The following DCC variants were observed in gnomAD, a reference collection of about 807,000 sequenced individuals.
DCC encodes netrin receptor DCC.
DCC carries 58 observed loss-of-function variants against 172.5 expected under a neutral mutation model. The observed-to-expected ratio is 0.34, with a 90% CI of 0.27 to 0.42. The LOEUF is 0.42. Ranked by LOEUF, DCC falls within the 10% of genes least tolerant of loss-of-function variation. The pLI is 1.00. For synonymous variants in DCC, 709 were observed against 644.5 expected, an observed-to-expected ratio of 1.10 and a Z score of -1.52; for missense variants, 1,740 against 1,791.0, an observed-to-expected ratio of 0.97 and a Z score of 0.51.
intron 5 of DCC, among the ~76,000 whole-genome samples, chr18:52,960,897 A>G (rs1250985305): frequency 6.6e-6 from 1 of 152,156 alleles, no homozygotes; most frequent in Non-Finnish European, 1.5e-5. Context: ...TTTTATATTT[A>G]TATTTTTGTA....
chr18:52,546,415 A>G (rs2032618582), intron 1 of DCC, among the ~76,000 whole-genome samples: 1 of 152,098 alleles, frequency 6.6e-6, no homozygotes, highest in Non-Finnish European at 1.5e-5. Flanking sequence ...AGGGAGCAGC[A>G]CAGCCTGGGT....
chr18:53,237,971 A>C (rs2056230397), intron 12 of DCC, among the ~76,000 whole-genome samples: 6 of 152,158 alleles, frequency 3.9e-5, no homozygotes, highest in Admixed American at 3.9e-4. Flanking sequence ...TTACCAAGAA[A>C]ACCTAAGAAC....
chr18:52,809,082 AT>A (rs1294122218), intron 2 of DCC, among the ~76,000 whole-genome samples: 2 of 152,186 alleles, frequency 1.3e-5, no homozygotes, highest in Admixed American at 1.3e-4. Context: ...TTGTTGACCA[AT>A]TCCCTCATAT....
At chr18:52,381,416 C>A (rs1482112617) in intron 1 of DCC, among the ~76,000 whole-genome samples, 2 of 152,112 alleles carry the variant, frequency 1.3e-5, no homozygotes, top group Non-Finnish European at 2.9e-5. Flanking sequence ...GAGTATTTGG[C>A]CAGCAGGCTG....
intron 12 of DCC, among the ~76,000 whole-genome samples, chr18:53,266,474 C>T (rs534551075): frequency 3.3e-5 from 5 of 152,260 alleles, no homozygotes; most frequent in Admixed American, 2.6e-4. Context: ...TTTACAAACA[C>T]TCAAAGTTGA....
At chr18:52,905,571 T>C (rs1467243601) in intron 2 of DCC, among the ~76,000 whole-genome samples, 6 of 152,194 alleles carry the variant, frequency 3.9e-5, no homozygotes, top group Non-Finnish European at 8.8e-5. Flanking sequence ...CTCTAGGTCA[T>C]GCCGTATGAC....
chr18:52,858,334 A>G (rs916255167), intron 2 of DCC, among the ~76,000 whole-genome samples: 1 of 152,242 alleles, frequency 6.6e-6, no homozygotes, highest in African/African-American at 2.4e-5. Flanking sequence ...CAGCAGCAGC[A>G]GTAACAGCAG....
intron 1 of DCC, among the ~76,000 whole-genome samples, chr18:52,443,477 A>C (rs1988030961): frequency 1.3e-5 from 2 of 152,230 alleles, no homozygotes; most frequent in Admixed American, 1.3e-4. Flanking sequence ...AACAGTAAAA[A>C]ATATTTGCAT....
At chr18:52,728,974 T>G (rs992183906) in intron 1 of DCC, among the ~76,000 whole-genome samples, 1 of 152,284 alleles carries the variant, frequency 6.6e-6, no homozygotes, top group East Asian at 1.9e-4. Context: ...TCAAAAAGCA[T>G]GTACCTCTAA....
In DCC at chr18:53,530,586, G is replaced by A. The variant is rs1568190993; in HGVS notation, c.4277G>A (p.Ser1426Asn). Reference protein sequence around the residue: ...SANVYEQDDLSEQMASLEGLM... With the variant: ...SANVYEQDDLNEQMASLEGLM... ...TAGGTGTATGAACAGGATGATCTGA[G>A]TGAACAAATGGCAAGTTTGGAAGGA... is the stretch of plus-strand genomic sequence containing the variant. The change falls in exon 29 of 29, where the codon AGT becomes AAT. Residue 1426 changes from serine (S) to asparagine (N), a missense_variant. Coordinates refer to ENST00000442544, the MANE Select transcript of DCC (RefSeq NM_005215.4). 6.3e-7 allele frequency: 1 copy of A among 1,588,700 alleles called. No individual in the cohort carries two copies.
chr18:52,560,837 G>A (rs2033019302), intron 1 of DCC, among the ~76,000 whole-genome samples: 1 of 152,172 alleles, frequency 6.6e-6, no homozygotes, highest in African/African-American at 2.4e-5. Flanking sequence ...GTGATATAAA[G>A]TATTTGCTTA....
intron 7 of DCC, among the ~76,000 whole-genome samples, chr18:53,090,740 T>TAAAAAAAAA (rs2042995768): frequency 1.6e-5 from 1 of 63,298 alleles, no homozygotes; most frequent in Non-Finnish European, 4.1e-5. Context: ...AAAAAGAATG[T>TAAAAAAAAA]ATCGTGTTTC....
chr18:52,375,575 G>A (rs987634903), intron 1 of DCC, among the ~76,000 whole-genome samples: 3 of 152,148 alleles, frequency 2.0e-5, no homozygotes, highest in Non-Finnish European at 2.9e-5. Flanking sequence ...ATGTCTCCGT[G>A]GACCAGCTAT....
Position 53,215,559 on chromosome 18 carries a change from C to T in DCC, c.1873C>T (p.Pro625Ser). 1 of 1,613,792 alleles carries T rather than the reference C, an allele frequency of 6.2e-7. No individual in the cohort carries two copies. The highest frequency in any genetic ancestry group is 1.1e-5 in the South Asian group (1 of 91,072). ...VVTLSDVPSAPPQNVSLEVVN... is the reference protein window; with the variant it reads ...VVTLSDVPSASPQNVSLEVVN... ...TTGATTCCTTTTAGTGCCAAGTGCC[C>T]CGCCTCAGAACGTCTCCCTGGAAGT... The change falls in exon 12 of 29, where the codon CCG (proline) becomes TCG (serine). Residue 625 changes from proline to serine, a missense_variant. By Grantham distance (74) the Pro-to-Ser change is moderately conservative (BLOSUM62 -1). Transcript: ENST00000442544.
At chr18:52,889,102 C>T (rs934516528) in intron 2 of DCC, among the ~76,000 whole-genome samples, 3 of 151,870 alleles carry the variant, frequency 2.0e-5, no homozygotes, top group African/African-American at 4.8e-5. Flanking sequence ...TTTCAATCAT[C>T]AATTAAAGAT....
chr18:53,236,120 C>A (rs7231350), intron 12 of DCC, among the ~76,000 whole-genome samples: 1 of 151,790 alleles, frequency 6.6e-6, no homozygotes, highest in Non-Finnish European at 1.5e-5. Context: ...ACTACTGAAT[C>A]AGAATTTAGA....
chr18:52,354,335 C>T (rs1011679334), intron 1 of DCC, among the ~76,000 whole-genome samples: 1 of 152,070 alleles, frequency 6.6e-6, no homozygotes, highest in Non-Finnish European at 1.5e-5. Flanking sequence ...ACTGTTAGTC[C>T]TATGAGGAAA....
chr18:52,858,094 G>A (rs2039081434), intron 2 of DCC, among the ~76,000 whole-genome samples: 1 of 152,178 alleles, frequency 6.6e-6, no homozygotes, highest in Non-Finnish European at 1.5e-5. Context: ...ATGAAGTTTA[G>A]ATAGCGAGAA....
intron 15 of DCC, among the ~76,000 whole-genome samples, chr18:53,370,447 C>T (rs529797462): frequency 6.6e-6 from 1 of 151,636 alleles, no homozygotes; most frequent in East Asian, 1.9e-4. Flanking sequence ...TTTATCTCTG[C>T]TCTAGTCTTT....
Sources: allele counts gnomAD v4.1 joint callset (sites outside exome capture counted in the v4.1 genomes callset), GRCh38; gene constraint gnomAD v4.1.1; transcripts MANE v1.5; gene names NCBI Gene and HGNC (gene_info 2026-07-23, HGNC 2026-07-21).